The following ZNF384 variants were observed in gnomAD, a reference collection of about 807,000 sequenced individuals.
The protein encoded by ZNF384 is zinc finger protein 384.
A neutral mutation model predicts 65.0 loss-of-function variants in ZNF384; 20 were observed. The observed-to-expected ratio is 0.31, with a 90% CI of 0.22 to 0.45. The LOEUF is 0.45. ZNF384 is among the 20% of genes least tolerant of loss of function. ZNF384 has a pLI of 1.00. For synonymous variants in ZNF384, 310 were observed against 303.9 expected, an observed-to-expected ratio of 1.02 and a Z score of -0.21; for missense variants, 549 against 769.4, an observed-to-expected ratio of 0.71 and a Z score of 3.39.
chr12:6,666,873 C>CTAAG lies in ZNF384; in HGVS notation c.*837_*840dup, dbSNP rs1296017896. ...GCATCTGACTGTGGCACCTAGGGAG[C>CTAAG]TAAGTCCAGTCCTTGCGTTTGCCTT... On this transcript the variant is annotated 3_prime_UTR_variant, in exon 12 of 12. Transcript: ENST00000683879. The CTAAG allele has an allele frequency of 1.6e-5, 3 of 186,408 alleles. No homozygotes were observed. Among genetic ancestry groups the CTAAG allele is most frequent in the Non-Finnish European group, 3.4e-5 (3 of 88,336 alleles). 11.5% of individuals were successfully genotyped at this position (186,408 alleles called of 1,614,324 possible).
chr12:6,678,321 G>A lies in ZNF384; in HGVS notation c.492C>T (p.Leu164=). Reference sequence around the variant, plus strand: ...TTAGGGTCGATGCTACCTTCTTGGAGAGGTCAGGGACAACCTGCAGGGCTT... The same window carrying A: ...TTAGGGTCGATGCTACCTTCTTGGAAAGGTCAGGGACAACCTGCAGGGCTT... The part of the protein sequence containing the change: ...GSQALQVVPD[L]SKKVASTLTE... Residue 164 remains leucine (L), a synonymous_variant, in exon 6 of 12, where the codon CTC becomes CTT. Coordinates refer to ENST00000683879, the MANE Select transcript of ZNF384 (RefSeq NM_001385745.1). The surrounding 1 kb of genome is among the most constrained non-coding windows in gnomAD (Gnocchi z 4.9). 6.2e-7 allele frequency: 1 copy of A among 1,614,134 alleles called. No homozygotes were observed. The highest frequency in any genetic ancestry group is 2.2e-5 in the East Asian group (1 of 44,886).
chr12:6,681,461 G>A (rs538523845), intron 2 of ZNF384, among the ~76,000 whole-genome samples: 2 of 152,050 alleles, frequency 1.3e-5, no homozygotes, highest in African/African-American at 2.4e-5. Context: ...ATGGGGAAAC[G>A]AGTAACAAAA....
At chr12:6,671,397 C>A in intron 9 of ZNF384, 1 of 153,574 alleles carries the variant, frequency 6.5e-6, no homozygotes. Flanking sequence ...AGTTTAGTAC[C>A]AATGTGACCT....
chr12:6,678,895 C>T lies in ZNF384; in HGVS notation c.304+51G>A, dbSNP rs1954782930. ...CCTTGGAGCCCTCCAGCCTGGGGTA[C>T]TGATCATGGAAGATCAACACCTCAG... On this transcript the variant is annotated intron_variant, in intron 4 of 11. Coordinates refer to ENST00000683879, the MANE Select transcript of ZNF384 (RefSeq NM_001385745.1). This position sits in a 1 kb window ranked among gnomAD's most constrained non-coding sequence, Gnocchi z 4.9. 8 of 1,574,024 alleles carry T rather than the reference C, an allele frequency of 5.1e-6. No individual in the cohort carries two copies. The highest frequency in any genetic ancestry group is 4.0e-5 in the African/African-American group (3 of 74,174).
At position 6,666,742 on chromosome 12, in the gene ZNF384, C is replaced by G. The variant is rs1949878238; in HGVS notation, c.*972G>C. 1.2e-5 allele frequency: 2 copies of G among 170,280 alleles called. No individual in the cohort carries two copies. The highest frequency in any genetic ancestry group is 2.5e-5 in the Non-Finnish European group (2 of 79,192). 10.5% of individuals were successfully genotyped at this position (170,280 alleles called of 1,614,324 possible). The stretch of plus-strand genomic sequence containing the variant: ...ACAAAACATCAAATATGAAAATTCT[C>G]AGAGATAATGCATTTATAAACACAG... On this transcript the variant is annotated 3_prime_UTR_variant, in exon 12 of 12. Transcript: ENST00000683879.
chr12:6,676,708 C>G (rs986173846), intron 7 of ZNF384, among the ~76,000 whole-genome samples: 1 of 152,042 alleles, frequency 6.6e-6, no homozygotes, highest in East Asian at 1.9e-4. Context: ...GATTTCTATA[C>G]GATAACTTAA....
In ZNF384 at chr12:6,679,056, A is replaced by T; in HGVS notation, c.194T>A (p.Ile65Asn). ...VPASVSLPSG[I>N]SMDTESKSDQ... ...TGACTTGGACTCTGTGTCCATACTG[A>T]TGCCTGAGGGCAGGGACACTGAGGC... Residue 65 changes from isoleucine (I) to asparagine (N), a missense_variant, in exon 4 of 12, where the codon ATC becomes AAC. By Grantham distance (149) the Ile-to-Asn change is moderately radical. Coordinates refer to ENST00000683879, the MANE Select transcript of ZNF384 (RefSeq NM_001385745.1). 2 of 1,613,852 alleles carry T rather than the reference A, an allele frequency of 1.2e-6. No individual in the cohort carries two copies. Among genetic ancestry groups the T allele is most frequent in the Non-Finnish European group, 1.7e-6 (2 of 1,179,984 alleles).
Position 6,666,568 on chromosome 12 carries a change from T to C in ZNF384, c.*1146A>G, listed in dbSNP as rs1277354566. ...TTTCTTTTTTTCTTCATTTTTAAATTACTTTATAACAACTGGTTTCCTGAT... is the reference window on the plus strand; with the variant it reads ...TTTCTTTTTTTCTTCATTTTTAAATCACTTTATAACAACTGGTTTCCTGAT... On this transcript the variant is annotated 3_prime_UTR_variant, in exon 12 of 12. Transcript: ENST00000683879. 2 of 164,522 alleles carry C rather than the reference T, an allele frequency of 1.2e-5. No individual in the cohort carries two copies. The highest frequency in any genetic ancestry group is 4.8e-5 in the African/African-American group (2 of 41,726). The allele number at this position is 164,522 out of a possible 1,614,324, so 10.2% of individuals were successfully genotyped here.
chr12:6,667,595 G>A lies in ZNF384; in HGVS notation c.*119C>T, dbSNP rs766834485. The A allele has an allele frequency of 2.4e-5, 32 of 1,316,526 alleles. No homozygotes were observed. The highest frequency in any genetic ancestry group is 3.3e-5 in the Non-Finnish European group (30 of 918,950). The allele number at this position is 1,316,526 out of a possible 1,614,324, so 81.6% of individuals were successfully genotyped here. On this transcript the variant is annotated 3_prime_UTR_variant, in exon 12 of 12. Coordinates refer to ENST00000683879, the MANE Select transcript of ZNF384 (RefSeq NM_001385745.1). ...CCTGTGAAGGAAAGCCGTGACAGAG[G>A]CCCAAGGAGATGGAGCCAAGGCCTG...
At chr12:6,674,266 T>G (rs1033569726) in intron 7 of ZNF384, among the ~76,000 whole-genome samples, 2 of 152,258 alleles carry the variant, frequency 1.3e-5, no homozygotes, top group Non-Finnish European at 2.9e-5. Flanking sequence ...CTGATCGTAC[T>G]TTCACTCATC....
chr12:6,679,665 T>C (rs890835265), intron 2 of ZNF384, 140 bp from the exon 3 acceptor site: 7 of 644,434 alleles, frequency 1.1e-5, no homozygotes, highest in Admixed American at 1.0e-4. Flanking sequence ...AGACTTAGTG[T>C]CTAGCACATT....
intron 2 of ZNF384, among the ~76,000 whole-genome samples, chr12:6,682,978 G>C (rs998189060): frequency 6.6e-6 from 1 of 152,170 alleles, no homozygotes; most frequent in Non-Finnish European, 1.5e-5. Flanking sequence ...GTGATAAATG[G>C]TGGGAATTAA....
chr12:6,668,988 C>T (rs1366317103), intron 11 of ZNF384, 43 bp downstream of exon 11: 1 of 1,565,938 alleles, frequency 6.4e-7, no homozygotes, highest in Non-Finnish European at 8.7e-7. Flanking sequence ...GGACTGTACT[C>T]TTAGAGGACT....
rs1952010081 is a variant in ZNF384, at chr12:6,672,755, G to A, written c.1005-223C>T. Among the ~76,000 whole-genome samples the A allele has an allele frequency of 1.3e-5, 2 of 152,152 alleles. No homozygotes were observed. Among genetic ancestry groups the A allele is most frequent in the South Asian group, 4.1e-4 (2 of 4,828 alleles). ...TAGAATGGCAGTGAGATGATGAAGA[G>A]CTGCAACCCATGGCTCCTGGTAACC... On this transcript the variant is annotated intron_variant, in intron 8 of 11. Coordinates refer to ENST00000683879, the MANE Select transcript of ZNF384 (RefSeq NM_001385745.1). This position sits in a 1 kb window ranked among gnomAD's most constrained non-coding sequence, Gnocchi z 4.4.
At chr12:6,687,846 C>T (rs917055047) in intron 2 of ZNF384, among the ~76,000 whole-genome samples, 6 of 152,068 alleles carry the variant, frequency 3.9e-5, no homozygotes, top group African/African-American at 1.4e-4. Flanking sequence ...GTCTTTGTGT[C>T]CCAAAGCAGA....
chr12:6,681,020 C>G (rs1955713224), intron 2 of ZNF384, among the ~76,000 whole-genome samples: 1 of 152,028 alleles, frequency 6.6e-6, no homozygotes, highest in Non-Finnish European at 1.5e-5. Context: ...AGCTCGAGAC[C>G]AGCCTGGCCA....
chr12:6,672,315 C>G lies in ZNF384; in HGVS notation c.1187+35G>C. On this transcript the variant is annotated intron_variant, in intron 9 of 11. Transcript: ENST00000683879. The surrounding 1 kb of genome is among the most constrained non-coding windows in gnomAD (Gnocchi z 4.4). Reference sequence around the variant, plus strand: ...GGCGGGGGTGGGGAGGGCATGCCAGCGGGGCGGGGTCAGTAGCCCGCCACT... The same window carrying G: ...GGCGGGGGTGGGGAGGGCATGCCAGGGGGGCGGGGTCAGTAGCCCGCCACT... The G allele has an allele frequency of 1.3e-6, 2 of 1,590,470 alleles. No homozygotes were observed. Among genetic ancestry groups the G allele is most frequent in the Non-Finnish European group, 8.6e-7 (1 of 1,166,638 alleles).
intron 2 of ZNF384, among the ~76,000 whole-genome samples, chr12:6,681,961 C>T (rs1956126394): frequency 6.6e-6 from 1 of 151,954 alleles, no homozygotes; most frequent in Non-Finnish European, 1.5e-5. Flanking sequence ...GTATCTGATA[C>T]AGGTACTAAC....
intron 2 of ZNF384, among the ~76,000 whole-genome samples, chr12:6,683,825 T>G (rs1956977257): frequency 6.6e-6 from 1 of 152,136 alleles, no homozygotes; most frequent in Non-Finnish European, 1.5e-5. Context: ...AAGACCAGTC[T>G]GGCCAAGATG....
Sources: gnomAD v4.1 joint callset for allele counts (sites outside exome capture counted in the v4.1 genomes callset) on GRCh38, gnomAD v4.1.1 for gene constraint, Gnocchi (gnomAD v3.1) non-coding constraint, MANE v1.5 for transcripts, NCBI Gene and HGNC (gene_info 2026-07-23, HGNC 2026-07-21) for gene names.